The following AKAP13 variants were observed in gnomAD, a reference collection of about 807,000 sequenced individuals.
The protein encoded by AKAP13 is A-kinase anchoring protein 13.
In AKAP13, 80 loss-of-function variants were observed where a neutral mutation model predicts 264.5. The observed-to-expected ratio is 0.30, with a 90% CI of 0.25 to 0.36. The LOEUF (loss-of-function observed/expected upper bound fraction) is 0.36, where lower values mean the gene tolerates loss of function less well. AKAP13 is among the 10% of genes least tolerant of loss of function. AKAP13 has a pLI of 1.00. For synonymous variants in AKAP13, 1,380 were observed against 1,250.2 expected (o/e 1.10, Z -2.19); for missense variants, 3,712 against 3,435.2 (o/e 1.08, Z -2.01).
In AKAP13 at chr15:85,473,726, G is replaced by C. The variant is rs530572265; in HGVS notation, c.-11-11984G>C. 2.0e-5 allele frequency among the ~76,000 whole-genome samples: 3 copies of C among 152,328 alleles called. No homozygotes were observed. The East Asian group carries it at 5.8e-4, about 29-fold the overall frequency. Reference sequence around the variant, plus strand: ...TGGTCATAGTAAGAGGGTCATGAGAGGGGAGGGAGGTGAAGCCCAACCTCT... The same window carrying C: ...TGGTCATAGTAAGAGGGTCATGAGACGGGAGGGAGGTGAAGCCCAACCTCT... On this transcript the variant is annotated intron_variant, in intron 1 of 36. Transcript: ENST00000394518.
chr15:85,550,371 C>G (rs1313277931), intron 5 of AKAP13, among the ~76,000 whole-genome samples: 5 of 152,194 alleles, frequency 3.3e-5, no homozygotes, highest in Admixed American at 3.3e-4. Flanking sequence ...CCCAGCCTGA[C>G]AAGCTCTAGG....
intron 33 of AKAP13, among the ~76,000 whole-genome samples, chr15:85,737,169 C>T (rs2088597842): frequency 6.6e-6 from 1 of 152,116 alleles, no homozygotes; most frequent in South Asian, 2.1e-4. Flanking sequence ...ATCTGCCCAC[C>T]TGGGCCTCCA....
At position 85,722,234 on chromosome 15, in the gene AKAP13, A is replaced by T. The variant is rs1332681440; in HGVS notation, c.6383A>T (p.Lys2128Met). Reference protein sequence around the residue: ...DKRFQAFVKKKMSSSVVRRLG... With the variant: ...DKRFQAFVKKMMSSSVVRRLG... ...AGTCTGTTTACTCCCTTGCAGAAGA[A>T]GATGAGCAGTTCAGTTGTTAGAAGG... Residue 2128 changes from lysine to methionine, a missense_variant, in exon 25 of 37, where the codon AAG (lysine) becomes ATG (methionine). Lys to Met is a moderately conservative substitution (Grantham distance 95). Transcript: ENST00000394518. The T allele has an allele frequency of 5.0e-6, 8 of 1,612,814 alleles. No homozygotes were observed. In the South Asian group the frequency reaches 8.8e-5, roughly 18 times the overall value.
At chr15:85,742,508 C>G (rs1289320656) in intron 35 of AKAP13, among the ~76,000 whole-genome samples, 2 of 152,210 alleles carry the variant, frequency 1.3e-5, no homozygotes, top group Non-Finnish European at 2.9e-5. Flanking sequence ...GGCCGCCACT[C>G]CTCTCGTGGA....
intron 1 of AKAP13, among the ~76,000 whole-genome samples, chr15:85,397,103 AC>A (rs1314539442): frequency 6.9e-6 from 1 of 145,580 alleles, no homozygotes; most frequent in Non-Finnish European, 1.5e-5. Context: ...GAAAGAAAAT[AC>A]TTTTTAAGGT....
At chr15:85,481,315 T>G (rs970187542) in intron 1 of AKAP13, among the ~76,000 whole-genome samples, 1 of 152,230 alleles carries the variant, frequency 6.6e-6, no homozygotes, top group Non-Finnish European at 1.5e-5. Context: ...CACTGCACTT[T>G]ATGAAGAAAA....
At chr15:85,719,454 A>C (rs2087144358) in intron 23 of AKAP13, 128 bp downstream of exon 23, 2 of 1,256,718 alleles carry the variant, frequency 1.6e-6, no homozygotes, top group South Asian at 3.1e-5. Context: ...GAACTTATTT[A>C]ATTTCTCTGG....
At chr15:85,574,505 A>G (rs2078942752) in intron 5 of AKAP13, among the ~76,000 whole-genome samples, 2 of 152,164 alleles carry the variant, frequency 1.3e-5, no homozygotes. Flanking sequence ...TTGTTTTTTA[A>G]ATTTTACGAA....
In AKAP13 at chr15:85,735,627, A is replaced by G. The variant is rs1214356438; in HGVS notation, c.7509A>G (p.Lys2503=). ...LRRTESDSGL[K]KGGNANLVFM... is the part of the protein sequence containing the mutation. ...GAACGGAATCAGATAGTGGCCTAAA[A>G]AAGGTATTTCTCTTTAAAATACACC... is the stretch of plus-strand genomic sequence containing the variant. Residue 2503 remains lysine (K), a synonymous_variant, in exon 32 of 37, where the codon AAA becomes AAG. Coordinates refer to ENST00000394518, the MANE Select transcript of AKAP13 (RefSeq NM_007200.5). The G allele has an allele frequency of 6.2e-7, 1 of 1,612,672 alleles. No individual in the cohort carries two copies. Among genetic ancestry groups the G allele is most frequent in the Admixed American group, 1.7e-5 (1 of 59,856 alleles).
chr15:85,510,094 C>T (rs943181143), intron 2 of AKAP13, among the ~76,000 whole-genome samples: 1 of 152,222 alleles, frequency 6.6e-6, no homozygotes, highest in African/African-American at 2.4e-5. Flanking sequence ...GTCCTTGCTT[C>T]TCTTACTATG....
intron 1 of AKAP13, among the ~76,000 whole-genome samples, chr15:85,388,073 C>T (rs965361086): frequency 2.0e-5 from 3 of 149,686 alleles, no homozygotes; most frequent in Non-Finnish European, 3.0e-5. Flanking sequence ...CTCGCTCTGT[C>T]ACCCAGGCTG....
intron 1 of AKAP13, among the ~76,000 whole-genome samples, chr15:85,428,309 C>T (rs1386729365): frequency 5.3e-5 from 8 of 152,186 alleles, no homozygotes; most frequent in African/African-American, 1.7e-4. Flanking sequence ...AAGTGATTCT[C>T]CTGCCTCAGC....
chr15:85,386,814 C>G (rs1411493147), intron 1 of AKAP13, among the ~76,000 whole-genome samples: 2 of 149,966 alleles, frequency 1.3e-5, no homozygotes, highest in African/African-American at 2.5e-5. Flanking sequence ...TTTCTGGATT[C>G]TCTCTCCTAT....
intron 2 of AKAP13, among the ~76,000 whole-genome samples, chr15:85,486,490 C>T (rs2075550214): frequency 6.6e-6 from 1 of 152,032 alleles, no homozygotes; most frequent in Admixed American, 6.6e-5. Context: ...TGTTCCAGCA[C>T]CATTTGTTGA....
chr15:85,498,783 G>A (rs1280144842), intron 2 of AKAP13, among the ~76,000 whole-genome samples: 1 of 152,082 alleles, frequency 6.6e-6, no homozygotes, highest in Admixed American at 6.6e-5. Flanking sequence ...TTGGTGTGAG[G>A]TCCGCAACCA....
In AKAP13 at chr15:85,533,950, A is replaced by C. The variant is rs1168054103; in HGVS notation, c.478+70A>C. 8 of 1,451,770 alleles carry C rather than the reference A, an allele frequency of 5.5e-6. No individual in the cohort carries two copies. In the Admixed American group the frequency reaches 7.5e-5, roughly 14 times the overall value. The allele number at this position is 1,451,770 out of a possible 1,614,324, so 89.9% of individuals were successfully genotyped here. On this transcript the variant is annotated intron_variant, in intron 4 of 36. Transcript: ENST00000394518. ...TTTCTACTTTTTTTTTAATGGGGCT[A>C]CTTTTCTATGGTCATCATATTCAGG...
At chr15:85,483,651 A>AAAAAAAAAAAAAC (rs2075426872) in intron 1 of AKAP13, among the ~76,000 whole-genome samples, 1 of 143,936 alleles carries the variant, frequency 6.9e-6, no homozygotes, top group Non-Finnish European at 1.6e-5. Context: ...AAAAAAAAAA[A>AAAAAAAAAAAAAC]CACCAAAAAA....
At chr15:85,386,343 G>C (rs2070561494) in intron 1 of AKAP13, among the ~76,000 whole-genome samples, 1 of 151,496 alleles carries the variant, frequency 6.6e-6, no homozygotes, top group African/African-American at 2.4e-5. Context: ...CTGTCATCCA[G>C]GCTGGCGTGA....
At chr15:85,563,866 A>G (rs1467348921) in intron 5 of AKAP13, among the ~76,000 whole-genome samples, 1 of 152,190 alleles carries the variant, frequency 6.6e-6, no homozygotes, top group Non-Finnish European at 1.5e-5. Flanking sequence ...GGACTGTTAC[A>G]TTTTTTATAG....
Sources: allele counts gnomAD v4.1 joint callset (sites outside exome capture counted in the v4.1 genomes callset), GRCh38; gene constraint gnomAD v4.1.1; transcripts MANE v1.5; gene names NCBI Gene and HGNC (gene_info 2026-07-23, HGNC 2026-07-21).